SAMD3: variants seen among roughly 807,000 people sequenced by gnomAD.
SAMD3 encodes sterile alpha motif domain containing 3, also known as sterile alpha motif domain-containing protein 3.
In SAMD3, 63 loss-of-function variants were observed where a neutral mutation model predicts 58.5. The ratio of observed to expected loss-of-function variants is 1.08; its 90% confidence interval spans 0.88 to 1.33. SAMD3 has a LOEUF of 1.33. SAMD3 is among the 40% of genes most tolerant of loss of function. The pLI, the probability that SAMD3 is intolerant of heterozygous loss-of-function variation, is 0.00. For synonymous variants in SAMD3, 220 were observed against 210.3 expected, an observed-to-expected ratio of 1.05 and a Z score of -0.40; for missense variants, 604 against 608.4, an observed-to-expected ratio of 0.99 and a Z score of 0.08.
At chr6:130,215,094 T>G (rs1268033104) in intron 3 of SAMD3, 101 bp downstream of exon 3, 4 of 633,360 alleles carry the variant, frequency 6.3e-6, no homozygotes, top group Non-Finnish European at 1.1e-5. Context: ...CACATTGACA[T>G]GCACACAGAC....
At chr6:130,154,749 A>C (rs895043895) in intron 9 of SAMD3, 76 bp downstream of exon 9, 29 of 407,148 alleles carry the variant, frequency 7.1e-5, no homozygotes, top group South Asian at 6.8e-4. Flanking sequence ...ATATGTATGT[A>C]TATATAATAT....
chr6:130,247,244 C>T (rs148716827), intron 2 of SAMD3, among the ~76,000 whole-genome samples: 2,034 of 152,098 alleles, frequency 0.013, 40 homozygotes, highest in African/African-American at 0.046. Flanking sequence ...CCGAGGCGGG[C>T]GGATCACCTT....
chr6:130,210,234 C>G (rs1293998288), intron 4 of SAMD3, among the ~76,000 whole-genome samples: 1 of 152,126 alleles, frequency 6.6e-6, no homozygotes, highest in Admixed American at 6.5e-5. Flanking sequence ...TTTCATATCC[C>G]CATCATTTGC....
chr6:130,309,922 AAGAG>A (rs1272664863), intron 2 of SAMD3, among the ~76,000 whole-genome samples: 8 of 151,962 alleles, frequency 5.3e-5, no homozygotes, highest in Non-Finnish European at 1.2e-4. Flanking sequence ...ATATCATATG[AAGAG>A]AGAGAGAGGG....
chr6:130,186,558 T>C (rs1263456095), intron 5 of SAMD3, among the ~76,000 whole-genome samples: 1 of 152,170 alleles, frequency 6.6e-6, no homozygotes, highest in Non-Finnish European at 1.5e-5. Context: ...TTTTCTAGTA[T>C]GTTTCTCTTT....
chr6:130,264,267 C>T (rs991010139), intron 2 of SAMD3, among the ~76,000 whole-genome samples: 13 of 152,170 alleles, frequency 8.5e-5, no homozygotes, highest in South Asian at 4.2e-4. Context: ...TGGCACCCTG[C>T]GGTTCAGCTG....
At chr6:130,212,284 C>T (rs1312191205) in intron 4 of SAMD3, among the ~76,000 whole-genome samples, 3 of 152,098 alleles carry the variant, frequency 2.0e-5, no homozygotes, top group African/African-American at 4.8e-5. Context: ...AATAAGTATT[C>T]TCTTCTCACA....
At chr6:130,190,960 G>A (rs1331676803) in intron 5 of SAMD3, among the ~76,000 whole-genome samples, 2 of 151,694 alleles carry the variant, frequency 1.3e-5, no homozygotes, top group Non-Finnish European at 2.9e-5. Context: ...AACACCACTG[G>A]GAACCAATGT....
chr6:130,147,025 T>G (rs1427974986), intron 9 of SAMD3, among the ~76,000 whole-genome samples: 1 of 152,106 alleles, frequency 6.6e-6, no homozygotes, highest in Non-Finnish European at 1.5e-5. Context: ...GACTACAAGT[T>G]CAAAGCAAAA....
intron 1 of SAMD3, among the ~76,000 whole-genome samples, chr6:130,326,001 G>A (rs2115006696): frequency 6.6e-6 from 1 of 152,266 alleles, no homozygotes; most frequent in East Asian, 1.9e-4. Flanking sequence ...ACGTGGGCAG[G>A]GACTTGGTTG....
intron 2 of SAMD3, among the ~76,000 whole-genome samples, chr6:130,240,661 T>C (rs1026301522): frequency 1.3e-5 from 2 of 152,110 alleles, no homozygotes; most frequent in Admixed American, 1.3e-4. Context: ...GTGAGGGCCC[T>C]TCCCTTATGA....
chr6:130,196,376 A>G (rs1333171210), intron 5 of SAMD3, among the ~76,000 whole-genome samples: 8 of 152,154 alleles, frequency 5.3e-5, no homozygotes, highest in Admixed American at 3.9e-4. Context: ...CCAGACTTCA[A>G]TCTGGCCTCC....
At chr6:130,199,589 T>C (rs1011998112) in intron 5 of SAMD3, among the ~76,000 whole-genome samples, 5 of 152,208 alleles carry the variant, frequency 3.3e-5, no homozygotes, top group African/African-American at 1.2e-4. Flanking sequence ...GAGTTAATTA[T>C]GCCAGTAACC....
At chr6:130,350,232 C>T (rs1042925466) in intron 1 of SAMD3, among the ~76,000 whole-genome samples, 1 of 152,086 alleles carries the variant, frequency 6.6e-6, no homozygotes, top group African/African-American at 2.4e-5. Context: ...GGCATTCAGG[C>T]AGGAGAAAGA....
intron 8 of SAMD3, chr6:130,159,674 C>T (rs532365239): frequency 6.6e-6 from 1 of 152,260 alleles, no homozygotes; most frequent in East Asian, 1.9e-4. Flanking sequence ...CTTGTCTTTC[C>T]TTGTCAAAAG....
At chr6:130,348,405 A>G (rs994285340) in intron 1 of SAMD3, among the ~76,000 whole-genome samples, 8 of 152,284 alleles carry the variant, frequency 5.3e-5, no homozygotes, top group Admixed American at 1.3e-4. Context: ...AATGGAAAAC[A>G]AAAAAAGGCA....
At chr6:130,335,257 A>G (rs1384418582) in intron 1 of SAMD3, among the ~76,000 whole-genome samples, 1 of 152,204 alleles carries the variant, frequency 6.6e-6, no homozygotes, top group Non-Finnish European at 1.5e-5. Flanking sequence ...CAATGTGCCA[A>G]GACTGAGTAG....
intron 2 of SAMD3, among the ~76,000 whole-genome samples, chr6:130,240,647 G>C (rs901761138): frequency 1.3e-5 from 2 of 152,146 alleles, no homozygotes; most frequent in African/African-American, 4.8e-5. Flanking sequence ...GAAGTGTGTA[G>C]GTTGTGAGGG....
upstream of SAMD3, among the ~76,000 whole-genome samples, chr6:130,224,097 G>A (rs548571959): frequency 2.6e-5 from 4 of 151,986 alleles, no homozygotes; most frequent in African/African-American, 9.7e-5. Flanking sequence ...GAGTCAGGCC[G>A]CTCAGTGGCC....
Sources: allele counts gnomAD v4.1 joint callset (sites outside exome capture counted in the v4.1 genomes callset), GRCh38; gene constraint gnomAD v4.1.1; transcripts MANE v1.5; gene names NCBI Gene and HGNC (gene_info 2026-07-23, HGNC 2026-07-21).